PIK3R5: variants seen among roughly 807,000 people sequenced by gnomAD.
PIK3R5 encodes the protein phosphoinositide-3-kinase regulatory subunit 5, also known as phosphoinositide 3-kinase regulatory subunit 5.
Under a neutral mutation model 94.9 loss-of-function variants are expected in PIK3R5, and 32 were observed. The ratio of observed to expected loss-of-function variants is 0.34; its 90% CI spans 0.25 to 0.45. The LOEUF (loss-of-function observed/expected upper bound fraction) is 0.45, where lower values mean the gene tolerates loss of function less well. Among genes scored for constraint, PIK3R5 ranks in the 20% least tolerant of loss-of-function variants. PIK3R5 has a pLI of 1.00. For missense variants in PIK3R5, 853 were observed against 1,144.6 expected (o/e 0.75, Z 3.68); for synonymous variants, 443 against 479.4 (o/e 0.92, Z 0.99).
At chr17:8,932,395 C>T (rs2091002965) in intron 1 of PIK3R5, among the ~76,000 whole-genome samples, 1 of 152,072 alleles carries the variant, frequency 6.6e-6, no homozygotes, top group Non-Finnish European at 1.5e-5. Flanking sequence ...CTACCATGCC[C>T]AGCTGATTTT....
Position 8,904,969 on chromosome 17 carries a change from T to G in PIK3R5, c.274-54A>C. On this transcript the variant is annotated intron_variant, in intron 4 of 18. Coordinates refer to ENST00000447110, the MANE Select transcript of PIK3R5 (RefSeq NM_001142633.3). This position sits in a 1 kb window ranked among gnomAD's most constrained non-coding sequence, Gnocchi z 5.1. ...AGATCTAGGTGAGAAAAGGCTCAGATAGTCCCAGACAGCTTCTGCTCCCTT... is the reference window on the plus strand; with the variant it reads ...AGATCTAGGTGAGAAAAGGCTCAGAGAGTCCCAGACAGCTTCTGCTCCCTT... 1 of 1,579,222 alleles carries G rather than the reference T, an allele frequency of 6.3e-7. No homozygotes were observed. Among genetic ancestry groups the G allele is most frequent in the South Asian group, 1.1e-5 (1 of 90,358 alleles).
intron 1 of PIK3R5, among the ~76,000 whole-genome samples, chr17:8,929,354 G>T (rs2090947547): frequency 6.6e-6 from 1 of 151,476 alleles, no homozygotes; most frequent in Non-Finnish European, 1.5e-5. Context: ...AAAGTAAAAG[G>T]GTGGGAAAAT....
At chr17:8,899,974 G>A (rs753295079) in intron 5 of PIK3R5, among the ~76,000 whole-genome samples, 27 of 152,034 alleles carry the variant, frequency 1.8e-4, no homozygotes, top group Non-Finnish European at 3.5e-4. Context: ...GGAGGCAGAG[G>A]TTGCAGTGAG....
At chr17:8,887,407 C>T in intron 11 of PIK3R5, 114 bp downstream of exon 11, 1 of 1,336,072 alleles carries the variant, frequency 7.5e-7, no homozygotes, top group East Asian at 2.5e-5. Context: ...GAGGGCCAGG[C>T]AGGGGGAGGT....
At chr17:8,943,173 C>T (rs868767889) in intron 1 of PIK3R5, among the ~76,000 whole-genome samples, 10 of 151,934 alleles carry the variant, frequency 6.6e-5, no homozygotes, top group African/African-American at 2.4e-4. Context: ...CTCCCAGGCT[C>T]AAATAATCCT....
In PIK3R5 at chr17:8,890,964, A is replaced by G; in HGVS notation, c.483-52T>C. Reference sequence around the variant, plus strand: ...CACCCAGGGGTGCGCAGCATGCCACAGTGCAGCCACCCCCCTCGTGCCTGC... The same window carrying G: ...CACCCAGGGGTGCGCAGCATGCCACGGTGCAGCCACCCCCCTCGTGCCTGC... On this transcript the variant is annotated intron_variant, in intron 6 of 18. Transcript: ENST00000447110. This position sits in a 1 kb window ranked among gnomAD's most constrained non-coding sequence, Gnocchi z 6.1. 6.4e-7 allele frequency: 1 copy of G among 1,561,936 alleles called. No homozygotes were observed. Among genetic ancestry groups the G allele is most frequent in the Non-Finnish European group, 8.7e-7 (1 of 1,150,054 alleles).
rs1332042947 is a variant in PIK3R5, at chr17:8,945,671, A to T, written c.-14+19925T>A. On this transcript the variant is annotated intron_variant, in intron 1 of 18. Coordinates refer to ENST00000447110, the MANE Select transcript of PIK3R5 (RefSeq NM_001142633.3). This position sits in a 1 kb window ranked among gnomAD's most constrained non-coding sequence, Gnocchi z 4.0. ...TATAAGATTTTATGTCCCAAAGATG[A>T]TCCCAACAATAGCTCCCATCCCACC... 1.3e-5 allele frequency among the ~76,000 whole-genome samples: 2 copies of T among 152,214 alleles called. No individual in the cohort carries two copies. The highest frequency in any genetic ancestry group is 2.4e-5 in the African/African-American group (1 of 41,458).
chr17:8,953,832 C>T (rs1046676326), intron 1 of PIK3R5, among the ~76,000 whole-genome samples: 5 of 152,140 alleles, frequency 3.3e-5, no homozygotes, highest in African/African-American at 1.2e-4. Flanking sequence ...TCTGTGAGAG[C>T]CATGGCAATG....
At chr17:8,924,623 G>GC (rs1200906663) in intron 1 of PIK3R5, among the ~76,000 whole-genome samples, 1 of 152,070 alleles carries the variant, frequency 6.6e-6, no homozygotes, top group Non-Finnish European at 1.5e-5. Context: ...TAATCCAACA[G>GC]CAGGTCATTG....
Position 8,894,741 on chromosome 17 carries a change from C to G in PIK3R5, c.413-1086G>C, listed in dbSNP as rs140017688. 6.5e-3 allele frequency among the ~76,000 whole-genome samples: 991 copies of G among 152,136 alleles called. 10 individuals carry two copies. Among genetic ancestry groups the G allele is most frequent in the African/African-American group, 0.022 (928 of 41,508 alleles). On this transcript the variant is annotated intron_variant, in intron 5 of 18. Coordinates refer to ENST00000447110, the MANE Select transcript of PIK3R5 (RefSeq NM_001142633.3). ...CCCTCACAGAGCAGGGGCTGGGGAC[C>G]CAGCGGGGTGGGTCGCCTTCTTGTC...
At position 8,925,464 on chromosome 17, in the gene PIK3R5, GGATGATA is replaced by G. The variant is rs1421745083; in HGVS notation, c.-13-13964_-13-13958del. ...GATAGTAGATGGATAGATAGTAGAT[GGATGATA>G]GATAGATAGTAGATGGATAGATAGT... On this transcript the variant is annotated intron_variant, in intron 1 of 18. Transcript: ENST00000447110. This position sits in a 1 kb window ranked among gnomAD's most constrained non-coding sequence, Gnocchi z 5.1. 1.8e-3 allele frequency among the ~76,000 whole-genome samples: 273 copies of G among 148,078 alleles called. 5 individuals are homozygous for G. In the East Asian group the frequency reaches 0.045, roughly 24 times the overall value.
chr17:8,957,332 C>G (rs1430656905), intron 1 of PIK3R5, among the ~76,000 whole-genome samples: 1 of 152,164 alleles, frequency 6.6e-6, no homozygotes, highest in Non-Finnish European at 1.5e-5. Context: ...TTCTAGTGAG[C>G]TGGAGTCTAT....
chr17:8,954,137 C>A (rs549091449), intron 1 of PIK3R5, among the ~76,000 whole-genome samples: 1 of 152,126 alleles, frequency 6.6e-6, no homozygotes, highest in Non-Finnish European at 1.5e-5. Flanking sequence ...CAAGCTCCCC[C>A]GGCTTGGGAG....
chr17:8,957,274 G>A (rs2091480775), intron 1 of PIK3R5, among the ~76,000 whole-genome samples: 1 of 152,136 alleles, frequency 6.6e-6, no homozygotes, highest in Non-Finnish European at 1.5e-5. Context: ...CCACCACGAA[G>A]CCTCCCATTC....
intron 6 of PIK3R5, among the ~76,000 whole-genome samples, chr17:8,891,535 G>A (rs542188655): frequency 2.0e-5 from 3 of 152,016 alleles, no homozygotes; most frequent in African/African-American, 4.8e-5. Context: ...CTCCCTTCCC[G>A]ATGGATACCC....
At chr17:8,953,156 G>A (rs2091407132) in intron 1 of PIK3R5, among the ~76,000 whole-genome samples, 1 of 152,130 alleles carries the variant, frequency 6.6e-6, no homozygotes, top group Non-Finnish European at 1.5e-5. Flanking sequence ...AGCATTGAGG[G>A]CTTGCTTCCA....
chr17:8,940,259 G>A (rs536072646), intron 1 of PIK3R5, among the ~76,000 whole-genome samples: 31 of 152,298 alleles, frequency 2.0e-4, no homozygotes, highest in African/African-American at 7.0e-4. Context: ...CCTCACTGGG[G>A]CCTGTTTAGG....
At chr17:8,927,048 G>A (rs1704661063) in intron 1 of PIK3R5, among the ~76,000 whole-genome samples, 1 of 152,052 alleles carries the variant, frequency 6.6e-6, no homozygotes, top group South Asian at 2.1e-4. Flanking sequence ...GAGAGAGAAG[G>A]CACACAGGCT....
At chr17:8,930,446 C>T (rs2151440418) in intron 1 of PIK3R5, among the ~76,000 whole-genome samples, 1 of 152,210 alleles carries the variant, frequency 6.6e-6, no homozygotes, top group South Asian at 2.1e-4. Flanking sequence ...TAAAGTAGTT[C>T]AGAGAGAGAA....
Sources: allele counts gnomAD v4.1 joint callset (sites outside exome capture counted in the v4.1 genomes callset), GRCh38; gene constraint gnomAD v4.1.1; non-coding constraint Gnocchi (gnomAD v3.1); transcripts MANE v1.5; gene names NCBI Gene and HGNC (gene_info 2026-07-23, HGNC 2026-07-21).